Variants in USP13 observed in about 807,000 individuals in gnomAD.
USP13 encodes the protein ubiquitin carboxyl-terminal hydrolase 13.
In USP13, 68 loss-of-function variants were observed where a neutral mutation model predicts 107.8. The ratio of observed to expected loss-of-function variants is 0.63; its 90% CI spans 0.52 to 0.77. The LOEUF (loss-of-function observed/expected upper bound fraction) is 0.77. Ranked by LOEUF, USP13 falls within the 30% of genes least tolerant of loss-of-function variation. USP13 has a pLI of 0.00. For synonymous variants in USP13, 377 were observed against 389.5 expected (o/e 0.97, Z 0.38); for missense variants, 945 against 1,093.3 (o/e 0.86, Z 1.91).
At chr3:179,671,735 A>T (rs1419185108) in intron 1 of USP13, among the ~76,000 whole-genome samples, 3 of 151,440 alleles carry the variant, frequency 2.0e-5, no homozygotes, top group Non-Finnish European at 4.4e-5. Flanking sequence ...CATTTGGTTA[A>T]TTTTTTTTTC....
chr3:179,719,555 C>T (rs890237262), intron 6 of USP13, among the ~76,000 whole-genome samples: 2 of 151,996 alleles, frequency 1.3e-5, no homozygotes, highest in Admixed American at 6.5e-5. Context: ...GGCGGATGGC[C>T]GTCATCCCCT....
intron 2 of USP13, among the ~76,000 whole-genome samples, chr3:179,688,140 TCC>T (rs1350615023): frequency 3.4e-5 from 5 of 148,394 alleles, no homozygotes; most frequent in Non-Finnish European, 6.1e-5. Context: ...CATATATCCA[TCC>T]ATCCATCCGT....
At chr3:179,765,589 C>A in intron 18 of USP13, 106 bp from the exon 19 acceptor site, 1 of 1,380,036 alleles carries the variant, frequency 7.2e-7, no homozygotes, top group Non-Finnish European at 9.8e-7. Context: ...CTAATTAATT[C>A]AGACCTCCTT....
chr3:179,775,613 C>T (rs965859525), intron 19 of USP13, among the ~76,000 whole-genome samples: 16 of 152,216 alleles, frequency 1.1e-4, no homozygotes, highest in African/African-American at 3.1e-4. Flanking sequence ...GAGCCCACCA[C>T]GGTGGGGGCT....
chr3:179,748,924 G>A (rs1373683758), intron 13 of USP13, among the ~76,000 whole-genome samples: 1 of 152,168 alleles, frequency 6.6e-6, no homozygotes, highest in Non-Finnish European at 1.5e-5. Flanking sequence ...TTACAGGGTT[G>A]GGGTAAGGAT....
chr3:179,660,684 C>T (rs1720431834), intron 1 of USP13, among the ~76,000 whole-genome samples: 1 of 152,182 alleles, frequency 6.6e-6, no homozygotes, highest in Admixed American at 6.5e-5. Flanking sequence ...GACTTCCCAT[C>T]ATAATGTTTA....
At chr3:179,779,920 C>G (rs1458908603) in intron 19 of USP13, among the ~76,000 whole-genome samples, 1 of 151,990 alleles carries the variant, frequency 6.6e-6, no homozygotes, top group East Asian at 1.9e-4. Context: ...ATTCTAGATA[C>G]AGGATTTGCT....
chr3:179,680,540 T>C (rs1219285138), intron 1 of USP13, among the ~76,000 whole-genome samples: 1 of 151,894 alleles, frequency 6.6e-6, no homozygotes, highest in Non-Finnish European at 1.5e-5. Flanking sequence ...ATTCAAGCTG[T>C]ATTTATTACA....
Position 179,784,093 on chromosome 3 carries a change from C to A in USP13, c.2544C>A (p.Pro848=). 1.9e-6 allele frequency: 3 copies of A among 1,613,046 alleles called. No homozygotes were observed. The highest frequency in any genetic ancestry group is 2.5e-6 in the Non-Finnish European group (3 of 1,179,704). Residue 848 remains proline (P), a synonymous_variant, in exon 21 of 21, where the codon CCC becomes CCA. Transcript: ENST00000263966. ...NDHKVCASER[P]PKDLGYMYFY... is the part of the protein sequence containing the mutation. ...ACAAAGTTTGTGCCTCAGAAAGGCC[C>A]CCTAAAGACCTGGGCTACATGTACT...
At chr3:179,773,168 G>A (rs1271828764) in intron 19 of USP13, among the ~76,000 whole-genome samples, 1 of 152,206 alleles carries the variant, frequency 6.6e-6, no homozygotes, top group Admixed American at 6.5e-5. Context: ...CCTTGTGGGG[G>A]AAAAGCATAT....
At chr3:179,726,820 G>A (rs776511297) in intron 8 of USP13, among the ~76,000 whole-genome samples, 8 of 152,058 alleles carry the variant, frequency 5.3e-5, no homozygotes, top group Non-Finnish European at 1.0e-4. Flanking sequence ...TGCAATTATA[G>A]GTATGTACCA....
chr3:179,763,950 CAAAAAAAAAAA>C, intron 17 of USP13, 41 bp from the exon 18 acceptor site: 1 of 1,225,928 alleles, frequency 8.2e-7, no homozygotes, highest in Non-Finnish European at 1.1e-6. Context: ...TGTTTCAGGA[CAAAAAAAAAAA>C]AAAAAAAAGG....
chr3:179,687,240 T>C (rs867017733), intron 2 of USP13, among the ~76,000 whole-genome samples: 2 of 152,180 alleles, frequency 1.3e-5, no homozygotes, highest in Non-Finnish European at 2.9e-5. Context: ...ACCTAGATAT[T>C]CTTTGATCTG....
At chr3:179,775,295 T>G (rs369824280) in intron 19 of USP13, among the ~76,000 whole-genome samples, 9 of 152,044 alleles carry the variant, frequency 5.9e-5, no homozygotes, top group African/African-American at 1.9e-4. Context: ...GATGTAAACG[T>G]TCTCGAAGTC....
At chr3:179,771,894 G>T (rs918833343) in intron 19 of USP13, among the ~76,000 whole-genome samples, 1 of 152,204 alleles carries the variant, frequency 6.6e-6, no homozygotes, top group African/African-American at 2.4e-5. Context: ...AAAAAGGTTA[G>T]TGCTATTAAC....
intron 1 of USP13, among the ~76,000 whole-genome samples, chr3:179,661,964 G>A (rs546283865): frequency 3.3e-5 from 5 of 152,296 alleles, no homozygotes; most frequent in East Asian, 1.9e-4. Flanking sequence ...GGATTCTGAC[G>A]TCATCTGTGC....
At chr3:179,754,279 C>T (rs933391018) in intron 14 of USP13, among the ~76,000 whole-genome samples, 2 of 152,136 alleles carry the variant, frequency 1.3e-5, no homozygotes, top group Non-Finnish European at 2.9e-5. Flanking sequence ...TAACATTGCA[C>T]CATTGTCTAG....
At chr3:179,729,440 C>T (rs867149979) in intron 8 of USP13, among the ~76,000 whole-genome samples, 1 of 152,048 alleles carries the variant, frequency 6.6e-6, no homozygotes, top group Non-Finnish European at 1.5e-5. Flanking sequence ...TTGGTTAAGT[C>T]GAGTCTTGTC....
At chr3:179,760,228 A>G (rs910746087) in intron 16 of USP13, among the ~76,000 whole-genome samples, 1 of 152,124 alleles carries the variant, frequency 6.6e-6, no homozygotes, top group Non-Finnish European at 1.5e-5. Context: ...TAACACAAGA[A>G]AACAAAAGCC....
Sources: allele counts gnomAD v4.1 joint callset (sites outside exome capture counted in the v4.1 genomes callset), GRCh38; gene constraint gnomAD v4.1.1; transcripts MANE v1.5; gene names NCBI Gene and HGNC (gene_info 2026-07-23, HGNC 2026-07-21).